UNC13B: variants seen among roughly 807,000 people sequenced by gnomAD.
UNC13B encodes protein unc-13 homolog B.
UNC13B carries 144 observed loss-of-function variants against 211.0 expected under a neutral mutation model. The ratio of observed to expected loss-of-function variants is 0.68; its 90% CI spans 0.60 to 0.78. The LOEUF (loss-of-function observed/expected upper bound fraction) is 0.78. UNC13B is among the 30% of genes least tolerant of loss of function. UNC13B has a pLI of 0.00. For missense variants in UNC13B, 1,777 were observed against 2,002.0 expected (o/e 0.89, Z 2.14); for synonymous variants, 709 against 725.8 (o/e 0.98, Z 0.37).
chr9:35,327,711 T>C (rs571663650), intron 11 of UNC13B, among the ~76,000 whole-genome samples: 1 of 152,310 alleles, frequency 6.6e-6, no homozygotes, highest in South Asian at 2.1e-4. Flanking sequence ...CCCAGCCATC[T>C]ATCTAGGCAT....
At chr9:35,363,266 G>A (rs1443019968) in intron 11 of UNC13B, among the ~76,000 whole-genome samples, 1 of 152,132 alleles carries the variant, frequency 6.6e-6, no homozygotes, top group Non-Finnish European at 1.5e-5. Flanking sequence ...AGAACAGAAG[G>A]ACACAATCAA....
At chr9:35,345,063 G>A (rs1304911580) in intron 11 of UNC13B, among the ~76,000 whole-genome samples, 3 of 152,202 alleles carry the variant, frequency 2.0e-5, no homozygotes, top group Non-Finnish European at 4.4e-5. Flanking sequence ...GGAAATTCTA[G>A]AGGAAGAGGA....
At chr9:35,256,196 T>G (rs540138901) in intron 6 of UNC13B, among the ~76,000 whole-genome samples, 1 of 152,336 alleles carries the variant, frequency 6.6e-6, no homozygotes, top group East Asian at 1.9e-4. Flanking sequence ...CATAGTTTAT[T>G]CAGATTTCCT....
At chr9:35,342,187 G>T (rs1832042953) in intron 11 of UNC13B, 29 of 985,584 alleles carry the variant, frequency 2.9e-5, no homozygotes, top group Non-Finnish European at 3.5e-5. Context: ...TGGTGCTTTG[G>T]CTCAGAAAGT....
intron 11 of UNC13B, among the ~76,000 whole-genome samples, chr9:35,357,521 T>G (rs10972444): frequency 0.081 from 12,299 of 151,952 alleles, 645 homozygotes; most frequent in East Asian, 0.3. Context: ...TCTCTCATTC[T>G]GTGGGTTGTC....
intron 16 of UNC13B, 51 bp from the exon 17 acceptor site, chr9:35,378,244 T>TG (rs1387718808): frequency 1.2e-6 from 2 of 1,611,072 alleles, no homozygotes; most frequent in Non-Finnish European, 1.7e-6. Flanking sequence ...AGTAGTGTTG[T>TG]GGGGGGCTTC....
At position 35,304,245 on chromosome 9, in the gene UNC13B, T is replaced by G. The variant is rs1829821448; in HGVS notation, c.4841T>G (p.Leu1614Ter). The change falls in exon 9 of 40, where the codon TTA becomes TGA. Residue 1614 changes from leucine to a stop codon, truncating the protein, a stop_gained. Transcript: ENST00000635942. LOFTEE classifies it high-confidence loss of function. The stretch of plus-strand genomic sequence containing the variant: ...ATTGATGACCCTCTTGATTTATCTT[T>G]AGCTTTGCCAAGAAGTGAGGAACCA... ...EPIDDPLDLS[L>*]ALPRSEEPLY... 2.5e-6 allele frequency: 1 copy of G among 398,702 alleles called. No individual in the cohort carries two copies. The highest frequency in any genetic ancestry group is 2.1e-5 in the African/African-American group (1 of 48,610). The allele number at this position is 398,702 out of a possible 1,614,324, so 24.7% of individuals were successfully genotyped here.
intron 1 of UNC13B, among the ~76,000 whole-genome samples, chr9:35,194,002 T>C (rs917745364): frequency 1.3e-5 from 2 of 150,972 alleles, no homozygotes. Flanking sequence ...CAGTCCTAGG[T>C]CAGAGAGAGA....
At chr9:35,218,463 G>T (rs1824379765) in intron 1 of UNC13B, among the ~76,000 whole-genome samples, 1 of 151,962 alleles carries the variant, frequency 6.6e-6, no homozygotes, top group Admixed American at 6.6e-5. Context: ...GACAGGGTCT[G>T]GCTCTGTCAC....
Position 35,403,785 on chromosome 9 carries a change from T to C in UNC13B, c.12775T>C (p.Leu4259=). ...TGAGGAGGGGCCCGAGTCCTATGAG[T>C]TGCAGATATGCGTGAAGGATTACTG... ...GNEEGPESYE[L]QICVKDYCFA... The change falls in exon 40 of 40, where the codon TTG becomes CTG. Residue 4259 remains leucine, a synonymous_variant. Coordinates refer to ENST00000635942, the MANE Select transcript of UNC13B (RefSeq NM_001371189.2). 6 of 1,613,988 alleles carry C rather than the reference T, an allele frequency of 3.7e-6. No individual in the cohort carries two copies. The highest frequency in any genetic ancestry group is 5.1e-6 in the Non-Finnish European group (6 of 1,179,980).
chr9:35,265,488 A>G (rs1827515601), intron 7 of UNC13B, among the ~76,000 whole-genome samples: 1 of 152,208 alleles, frequency 6.6e-6, no homozygotes, highest in African/African-American at 2.4e-5. Context: ...TCCCCAGCCT[A>G]TGGTATTTTG....
At chr9:35,240,678 T>G (rs892819191) in intron 5 of UNC13B, among the ~76,000 whole-genome samples, 1 of 152,198 alleles carries the variant, frequency 6.6e-6, no homozygotes, top group Non-Finnish European at 1.5e-5. Context: ...GTATTACTTT[T>G]TGACTGATTT....
At chr9:35,207,823 G>T (rs1419854155) in intron 1 of UNC13B, among the ~76,000 whole-genome samples, 1 of 152,048 alleles carries the variant, frequency 6.6e-6, no homozygotes, top group Non-Finnish European at 1.5e-5. Context: ...TTTCTTAATA[G>T]TATCCTTTAA....
At chr9:35,241,755 C>T (rs1048611384) in intron 5 of UNC13B, among the ~76,000 whole-genome samples, 11 of 152,186 alleles carry the variant, frequency 7.2e-5, no homozygotes, top group Admixed American at 2.0e-4. Flanking sequence ...TCCCACTCTC[C>T]TTCTTTGTAA....
chr9:35,340,709 A>G (rs1325820987), intron 11 of UNC13B, among the ~76,000 whole-genome samples: 1 of 152,196 alleles, frequency 6.6e-6, no homozygotes, highest in Admixed American at 6.5e-5. Flanking sequence ...GATCAAGCTC[A>G]GGGGAGTCAG....
intron 11 of UNC13B, among the ~76,000 whole-genome samples, chr9:35,318,409 A>C (rs1830573211): frequency 6.6e-6 from 1 of 152,060 alleles, no homozygotes; most frequent in South Asian, 2.1e-4. Flanking sequence ...CCGCCACCCC[A>C]ATCACTCCTT....
intron 3 of UNC13B, among the ~76,000 whole-genome samples, chr9:35,231,786 T>C (rs574909660): frequency 1.3e-5 from 2 of 152,332 alleles, no homozygotes; most frequent in African/African-American, 4.8e-5. Flanking sequence ...AAGTTTAGTA[T>C]ATTATGATTT....
intron 5 of UNC13B, among the ~76,000 whole-genome samples, chr9:35,242,750 G>A (rs1825877769): frequency 6.6e-6 from 1 of 152,128 alleles, no homozygotes; most frequent in Non-Finnish European, 1.5e-5. Context: ...AGGAACTTGG[G>A]TGTGCACATA....
At position 35,390,683 on chromosome 9, in the gene UNC13B, G is replaced by T. The variant is rs751275456; in HGVS notation, c.11277G>T (p.Leu3759Phe). ...GKVSAEVMWH[L>F]FAQDMKYALE... ...TCAGCGCAGAAGTGATGTGGCATTT[G>T]TTTGCCCAAGACATGAAATATGCAT... Residue 3759 changes from leucine to phenylalanine, a missense_variant, in exon 26 of 40, where the codon TTG becomes TTT. Physicochemically the swap from Leu to Phe is conservative, Grantham distance 22. Coordinates refer to ENST00000635942, the MANE Select transcript of UNC13B (RefSeq NM_001371189.2). 4.3e-6 allele frequency: 7 copies of T among 1,614,030 alleles called. No homozygotes were observed. The highest frequency in any genetic ancestry group is 3.3e-5 in the South Asian group (3 of 91,062).
Sources: gnomAD v4.1 joint callset for allele counts (sites outside exome capture counted in the v4.1 genomes callset) on GRCh38, gnomAD v4.1.1 for gene constraint, MANE v1.5 for transcripts, NCBI Gene and HGNC (gene_info 2026-07-23, HGNC 2026-07-21) for gene names.